PTPRJ: variants seen among roughly 807,000 people sequenced by gnomAD.
The protein encoded by PTPRJ is receptor-type tyrosine-protein phosphatase eta.
A neutral mutation model predicts 141.3 loss-of-function variants in PTPRJ; 129 were observed. That is an observed-to-expected ratio of 0.91 (90% confidence interval 0.79 to 1.06). The LOEUF (loss-of-function observed/expected upper bound fraction) is 1.06, where lower values mean the gene tolerates loss of function less well. Ranked by LOEUF, PTPRJ falls within the 50% of genes least tolerant of loss-of-function variation. The probability of loss-of-function intolerance (pLI) is 0.00; values close to 1 mark genes in which losing one functional copy is unlikely to be tolerated. For missense variants in PTPRJ, 1,601 were observed against 1,679.7 expected (o/e 0.95, Z 0.82); for synonymous variants, 610 against 640.5 (o/e 0.95, Z 0.72).
At position 47,984,109 on chromosome 11, in the gene PTPRJ, G is replaced by C. The variant is rs529234566; in HGVS notation, c.96+3101G>C. On this transcript the variant is annotated intron_variant, in intron 1 of 24. Coordinates refer to ENST00000418331, the MANE Select transcript of PTPRJ (RefSeq NM_002843.4). ...GACAGTTTACGAAAACAGCAAATTGGTTTATGGTTAGACCGTGACTTTGAG... is the reference window on the plus strand; with the variant it reads ...GACAGTTTACGAAAACAGCAAATTGCTTTATGGTTAGACCGTGACTTTGAG... Among the ~76,000 whole-genome samples the C allele has an allele frequency of 1.0e-3, 158 of 152,276 alleles. 1 individual carries two copies. The highest frequency in any genetic ancestry group is 2.0e-3 in the Non-Finnish European group (137 of 68,020).
At chr11:48,139,948 A>G (rs956858327) in intron 11 of PTPRJ, among the ~76,000 whole-genome samples, 172 bp downstream of exon 11, 1 of 152,244 alleles carries the variant, frequency 6.6e-6, no homozygotes, top group African/African-American at 2.4e-5. Flanking sequence ...AAATCAATCT[A>G]AAAAAGCAGA....
chr11:48,104,869 A>G (rs1451811961), intron 1 of PTPRJ, among the ~76,000 whole-genome samples: 1 of 152,100 alleles, frequency 6.6e-6, no homozygotes, highest in African/African-American at 2.4e-5. Flanking sequence ...CAAGGACTTC[A>G]GGGTCCGATT....
chr11:48,121,087 C>G lies in PTPRJ; in HGVS notation c.437C>G (p.Ala146Gly). 6.2e-7 allele frequency: 1 copy of G among 1,613,822 alleles called. No homozygotes were observed. The highest frequency in any genetic ancestry group is 8.5e-7 in the Non-Finnish European group (1 of 1,179,936). Residue 146 changes from alanine (A) to glycine (G), a missense_variant, in exon 4 of 25, where the codon GCT (alanine) becomes GGT (glycine). By Grantham distance (60) the Ala-to-Gly change is moderately conservative (BLOSUM62 0). Coordinates refer to ENST00000418331, the MANE Select transcript of PTPRJ (RefSeq NM_002843.4). ...ILTWKSNDTAASEYKYVVKHK... is the reference protein window; with the variant it reads ...ILTWKSNDTAGSEYKYVVKHK... ...ACTTGGAAAAGTAATGACACAGCTG[C>G]TTCTGAGTACAAGTATGTAGTAAAG...
chr11:48,094,759 G>T (rs190438182), intron 1 of PTPRJ, among the ~76,000 whole-genome samples: 139 of 152,316 alleles, frequency 9.1e-4, no homozygotes, highest in Non-Finnish European at 1.7e-3. Flanking sequence ...GAAGTTCTGG[G>T]TAACAGAGAG....
chr11:48,063,921 T>C lies in PTPRJ; in HGVS notation c.97-46137T>C, dbSNP rs1433689226. On this transcript the variant is annotated intron_variant, in intron 1 of 24. Transcript: ENST00000418331. ...TGTTGTAGAAAGTTCTCAGCTTATGTGTGTGTGTGTGTGTGTGTGTGTGTT... is the reference window on the plus strand; with the variant it reads ...TGTTGTAGAAAGTTCTCAGCTTATGCGTGTGTGTGTGTGTGTGTGTGTGTT... Among the ~76,000 whole-genome samples the C allele has an allele frequency of 3.5e-5, 5 of 140,922 alleles. No individual in the cohort carries two copies. In the East Asian group the frequency reaches 1.0e-3, roughly 28 times the overall value. 92.5% of individuals were successfully genotyped at this position (140,922 alleles called of 152,430 possible).
At chr11:48,003,785 C>T (rs1422085841) in intron 1 of PTPRJ, among the ~76,000 whole-genome samples, 2 of 152,164 alleles carry the variant, frequency 1.3e-5, no homozygotes, top group African/African-American at 2.4e-5. Context: ...CGTGAGCCAC[C>T]GTGCCCAGCC....
intron 1 of PTPRJ, among the ~76,000 whole-genome samples, chr11:48,030,299 T>A (rs1853945349): frequency 6.6e-6 from 1 of 152,226 alleles, no homozygotes; most frequent in South Asian, 2.1e-4. Flanking sequence ...GATGTAAAGT[T>A]TTATTTCTCT....
At position 47,980,635 on chromosome 11, in the gene PTPRJ, G is replaced by C. The variant is rs1229127882; in HGVS notation, c.-278G>C. 16 of 984,134 alleles carry C rather than the reference G, an allele frequency of 1.6e-5. No individual in the cohort carries two copies. Among genetic ancestry groups the C allele is most frequent in the Non-Finnish European group, 1.9e-5 (16 of 830,096 alleles). The allele number at this position is 984,134 out of a possible 1,614,324, so 61.0% of individuals were successfully genotyped here. Reference sequence around the variant, plus strand: ...CGGGACCGGGTAGCCGCGCGCTGGGGGTGGGCGCCGCTCGCTCCGCCCCGC... The same window carrying C: ...CGGGACCGGGTAGCCGCGCGCTGGGCGTGGGCGCCGCTCGCTCCGCCCCGC... On this transcript the variant is annotated 5_prime_UTR_variant, in exon 1 of 25. Transcript: ENST00000418331.
chr11:48,139,077 G>A (rs950960120), intron 10 of PTPRJ, among the ~76,000 whole-genome samples: 10 of 152,172 alleles, frequency 6.6e-5, no homozygotes, highest in African/African-American at 2.2e-4. Flanking sequence ...ACGTTGCGGT[G>A]AGCTGAGATT....
chr11:48,032,154 G>A lies in PTPRJ; in HGVS notation c.96+51146G>A, dbSNP rs144905703. ...GGGGCTGGTGGCAGAGGGTGACTCA[G>A]TTCTCAGTGTGTCTTTTCCTGCCCC... On this transcript the variant is annotated intron_variant, in intron 1 of 24. Coordinates refer to ENST00000418331, the MANE Select transcript of PTPRJ (RefSeq NM_002843.4). Among the ~76,000 whole-genome samples, 672 of 152,288 alleles carry A rather than the reference G, an allele frequency of 4.4e-3. 24 individuals are homozygous for A. Among genetic ancestry groups the A allele is most frequent in the Non-Finnish European group, 6.8e-4 (46 of 68,040 alleles).
At chr11:48,042,759 G>GGT (rs757012527) in intron 1 of PTPRJ, among the ~76,000 whole-genome samples, 3,390 of 146,418 alleles carry the variant, frequency 0.023, 66 homozygotes, top group South Asian at 0.032. Flanking sequence ...TGTGTGTAGG[G>GGT]GTGTGTGTGT....
chr11:48,111,597 T>C (rs2134326421), intron 2 of PTPRJ, among the ~76,000 whole-genome samples: 1 of 152,284 alleles, frequency 6.6e-6, no homozygotes, highest in East Asian at 1.9e-4. Flanking sequence ...GTTTAATAAA[T>C]AAACTGGTGG....
intron 8 of PTPRJ, chr11:48,132,784 C>G: frequency 1.1e-6 from 1 of 943,570 alleles, no homozygotes; most frequent in Non-Finnish European, 1.3e-6. Flanking sequence ...CTTGAAGAAG[C>G]TTCTTCAACT....
intron 1 of PTPRJ, among the ~76,000 whole-genome samples, chr11:48,061,676 G>T (rs1005372179): frequency 1.8e-4 from 28 of 152,134 alleles, no homozygotes; most frequent in African/African-American, 6.8e-4. Flanking sequence ...TCACACAGGT[G>T]CGAGTCCCAC....
intron 1 of PTPRJ, among the ~76,000 whole-genome samples, chr11:48,051,166 G>T (rs1854560380): frequency 7.2e-6 from 1 of 138,986 alleles, no homozygotes; most frequent in African/African-American, 2.8e-5. Flanking sequence ...TGCGATCTTG[G>T]CTTACTGCAA....
intron 1 of PTPRJ, among the ~76,000 whole-genome samples, chr11:48,093,568 G>T (rs928973699): frequency 6.6e-6 from 1 of 151,994 alleles, no homozygotes. Context: ...TTTATTGATC[G>T]TGTACAACTA....
At chr11:48,019,349 C>T (rs1038445892) in intron 1 of PTPRJ, among the ~76,000 whole-genome samples, 11 of 152,196 alleles carry the variant, frequency 7.2e-5, no homozygotes, top group African/African-American at 2.6e-4. Flanking sequence ...TCACTAGAAT[C>T]TGCCCCTCCA....
rs971004935 is a variant in PTPRJ, at chr11:48,164,390, G to A, written c.3730G>A (p.Gly1244Arg). Residue 1244 changes from glycine (G) to arginine (R), a missense_variant, in exon 24 of 25, where the codon GGA (glycine) becomes AGA (arginine). Gly to Arg is a moderately radical substitution (Grantham distance 125). Coordinates refer to ENST00000418331, the MANE Select transcript of PTPRJ (RefSeq NM_002843.4). ...PILVHCSAGV[G>R]RTGTFIAIDR... ...TCTCTTTTCTCTCAGTGCTGGGGTC[G>A]GAAGGACGGGCACTTTCATTGCCAT... 24 of 1,613,772 alleles carry A rather than the reference G, an allele frequency of 1.5e-5. No individual in the cohort carries two copies. The highest frequency in any genetic ancestry group is 2.2e-5 in the East Asian group (1 of 44,890).
intron 1 of PTPRJ, among the ~76,000 whole-genome samples, chr11:48,077,855 A>G (rs768005061): frequency 6.6e-5 from 10 of 152,170 alleles, no homozygotes; most frequent in Non-Finnish European, 1.0e-4. Context: ...TTGTGAACAA[A>G]TATTCTACTC....
Sources: allele counts gnomAD v4.1 joint callset (sites outside exome capture counted in the v4.1 genomes callset), GRCh38; gene constraint gnomAD v4.1.1; transcripts MANE v1.5; gene names NCBI Gene and HGNC (gene_info 2026-07-23, HGNC 2026-07-21).